The following LRP1B variants were observed in gnomAD, a reference collection of about 807,000 sequenced individuals.
The protein encoded by LRP1B is low-density lipoprotein receptor-related protein 1B.
LRP1B carries 217 observed loss-of-function variants against 556.6 expected under a neutral mutation model. That is an observed-to-expected ratio of 0.39 (90% CI 0.35 to 0.44). The LOEUF (loss-of-function observed/expected upper bound fraction) is 0.44, where lower values mean the gene tolerates loss of function less well. Ranked by LOEUF, LRP1B falls within the 20% of genes least tolerant of loss-of-function variation. LRP1B has a pLI of 1.00. For missense variants in LRP1B, 5,053 were observed against 5,620.8 expected (o/e 0.90, Z 3.23); for synonymous variants, 2,047 against 1,865.8 (o/e 1.10, Z -2.50).
intron 3 of LRP1B, among the ~76,000 whole-genome samples, chr2:141,464,598 A>ATTTTTTTTTTTTTTTTTTTTT (rs199589153): frequency 1.4e-5 from 1 of 73,286 alleles, no homozygotes; most frequent in African/African-American, 5.3e-5. Context: ...ATATATATAT[A>ATTTTTTTTTTTTTTTTTTTTT]TATATATATT....
Position 141,424,458 on chromosome 2 carries a change from C to G in LRP1B, c.343+55938G>C, listed in dbSNP as rs1364663500. On this transcript the variant is annotated intron_variant, in intron 3 of 90. Transcript: ENST00000389484. Reference sequence around the variant, plus strand: ...TCCATGACATGTAACTTTGGAAGCACTTTTAACCTCTAGGACATTGCAATG... The same window carrying G: ...TCCATGACATGTAACTTTGGAAGCAGTTTTAACCTCTAGGACATTGCAATG... Among the ~76,000 whole-genome samples the G allele has an allele frequency of 2.0e-5, 3 of 152,120 alleles. No individual in the cohort carries two copies. In the East Asian group the frequency reaches 5.8e-4, roughly 29 times the overall value.
intron 3 of LRP1B, among the ~76,000 whole-genome samples, chr2:141,337,909 T>C (rs1229028899): frequency 6.6e-6 from 1 of 152,198 alleles, no homozygotes; most frequent in Non-Finnish European, 1.5e-5. Flanking sequence ...TCTTGGTTCT[T>C]TGTATGCTAA....
At chr2:141,257,060 A>T (rs1180206890) in intron 3 of LRP1B, among the ~76,000 whole-genome samples, 1 of 152,042 alleles carries the variant, frequency 6.6e-6, no homozygotes, top group East Asian at 1.9e-4. Context: ...CCTAAGGAAG[A>T]AGAGTAGTCT....
chr2:141,968,750 T>C (rs1221638791), intron 1 of LRP1B, among the ~76,000 whole-genome samples: 2 of 151,770 alleles, frequency 1.3e-5, no homozygotes, highest in South Asian at 2.1e-4. Flanking sequence ...ACTATACATG[T>C]GCCCCCTTGC....
chr2:141,038,129 T>A (rs1698590277), intron 11 of LRP1B, among the ~76,000 whole-genome samples: 1 of 94,024 alleles, frequency 1.1e-5, no homozygotes, highest in Admixed American at 1.1e-4. Context: ...AAGTAAAAAC[T>A]AAAAATAATT....
At chr2:141,905,765 A>AGGTGTG (rs1699737922) in intron 1 of LRP1B, among the ~76,000 whole-genome samples, 1 of 100,194 alleles carries the variant, frequency 1.0e-5, no homozygotes. Flanking sequence ...GTTTGAATAG[A>AGGTGTG]TGTGTGTGTG....
At chr2:141,145,922 CTTTTTTTTT>C (rs70991144) in intron 7 of LRP1B, among the ~76,000 whole-genome samples, 2 of 67,208 alleles carry the variant, frequency 3.0e-5, no homozygotes. Context: ...TTCTTTCTTT[CTTTTTTTTT>C]TTTTTTTTTT....
intron 2 of LRP1B, among the ~76,000 whole-genome samples, chr2:141,766,357 CACA>C (rs1046984269): frequency 6.6e-6 from 1 of 152,146 alleles, no homozygotes; most frequent in African/African-American, 2.4e-5. Context: ...TCTCTGGTCA[CACA>C]ACAAGCTGCT....
chr2:141,108,334 CTTTTTTTTTTTTTTTTTTTTTT>C (rs60275697), intron 7 of LRP1B, among the ~76,000 whole-genome samples: 1 of 88,514 alleles, frequency 1.1e-5, no homozygotes, highest in African/African-American at 4.8e-5. Flanking sequence ...TAATCTGTTT[CTTTTTTTTTTTTTTTTTTTTTT>C]TTTTTTTTTG....
chr2:140,785,233 T>C (rs550707257), intron 32 of LRP1B, among the ~76,000 whole-genome samples: 38 of 152,190 alleles, frequency 2.5e-4, no homozygotes, highest in Non-Finnish European at 4.9e-4. Flanking sequence ...GACAGCATTG[T>C]CTTGATAAAT....
At chr2:140,834,155 T>C (rs543706191) in intron 31 of LRP1B, among the ~76,000 whole-genome samples, 2 of 152,330 alleles carry the variant, frequency 1.3e-5, no homozygotes, top group East Asian at 3.9e-4. Context: ...TATATAATGA[T>C]CCTTACTCAA....
intron 82 of LRP1B, 111 bp from the exon 83 acceptor site, chr2:140,315,210 A>T (rs780575293): frequency 1.9e-4 from 128 of 685,360 alleles, no homozygotes; most frequent in Non-Finnish European, 2.5e-4. Flanking sequence ...TCCATAAAAT[A>T]ATTAACCCCA....
intron 3 of LRP1B, among the ~76,000 whole-genome samples, chr2:141,464,676 C>T (rs1294547661): frequency 6.8e-6 from 1 of 147,912 alleles, no homozygotes; most frequent in Non-Finnish European, 1.5e-5. Context: ...TAGTGATCCA[C>T]CCGGCTCGGC....
At chr2:142,026,472 C>A (rs921675465) in intron 1 of LRP1B, among the ~76,000 whole-genome samples, 2 of 152,028 alleles carry the variant, frequency 1.3e-5, no homozygotes, top group African/African-American at 4.8e-5. Context: ...TTTTCCAAAT[C>A]GTCATTTCTT....
intron 1 of LRP1B, among the ~76,000 whole-genome samples, chr2:142,127,043 T>C (rs1025653165): frequency 1.3e-5 from 2 of 151,750 alleles, no homozygotes; most frequent in African/African-American, 4.8e-5. Flanking sequence ...TAAGAATACA[T>C]TAACCATATC....
chr2:140,842,661 G>A (rs201673320), intron 29 of LRP1B, among the ~76,000 whole-genome samples: 12 of 150,970 alleles, frequency 7.9e-5, no homozygotes, highest in South Asian at 4.2e-4. Context: ...AACCTGCCAC[G>A]TCTTATACAT....
At chr2:140,402,902 T>C (rs1265484660) in intron 66 of LRP1B, among the ~76,000 whole-genome samples, 1 of 152,144 alleles carries the variant, frequency 6.6e-6, no homozygotes. Flanking sequence ...GAGAAGGAGA[T>C]AAGCTTCAAG....
At chr2:141,826,901 C>G (rs1434024905) in intron 1 of LRP1B, among the ~76,000 whole-genome samples, 1 of 152,118 alleles carries the variant, frequency 6.6e-6, no homozygotes, top group African/African-American at 2.4e-5. Flanking sequence ...AAATCTTTAT[C>G]AGTCCAAGAG....
At position 142,130,845 on chromosome 2, in the gene LRP1B, A is replaced by G. The variant is rs1381761491; in HGVS notation, c.-116T>C. ...CCTGGAATCGAGCGGCGTCATTTAC[A>G]AATGTCACTGGAAATTCTTCAGCTC... On this transcript the variant is annotated 5_prime_UTR_variant, in exon 1 of 91. Transcript: ENST00000389484. The G allele has an allele frequency of 1.3e-6, 1 of 794,922 alleles. No individual in the cohort carries two copies. Among genetic ancestry groups the G allele is most frequent in the Non-Finnish European group, 2.2e-6 (1 of 463,012 alleles). The allele number at this position is 794,922 out of a possible 1,614,324, so 49.2% of individuals were successfully genotyped here.
Sources: gnomAD v4.1 joint callset for allele counts (sites outside exome capture counted in the v4.1 genomes callset) on GRCh38, gnomAD v4.1.1 for gene constraint, MANE v1.5 for transcripts, NCBI Gene and HGNC (gene_info 2026-07-23, HGNC 2026-07-21) for gene names.